MACF1: variants seen among roughly 807,000 people sequenced by gnomAD.
The protein encoded by MACF1 is microtubule actin crosslinking factor 1.
In MACF1, 193 loss-of-function variants were observed where a neutral mutation model predicts 854.8. That is an observed-to-expected ratio of 0.23 (90% confidence interval 0.20 to 0.25). The LOEUF (loss-of-function observed/expected upper bound fraction) is 0.25. Ranked by LOEUF, MACF1 falls within the 10% of genes least tolerant of loss-of-function variation. MACF1 has a pLI of 1.00. For missense variants in MACF1, 7,722 were observed against 8,929.1 expected (o/e 0.86, Z 5.45); for synonymous variants, 3,185 against 3,226.7 (o/e 0.99, Z 0.44).
Position 39,370,091 on chromosome 1 carries a change from T to A in MACF1, c.13000T>A (p.Phe4334Ile). Residue 4334 changes from phenylalanine to isoleucine, a missense_variant, in exon 51 of 101, where the codon TTC becomes ATC. Transcript: ENST00000564288. ...TGAATTCCGGAAGCTGGTCAGGACCTTCCAGAAATGGTTGAAAGAAACTGA... is the reference window on the plus strand; with the variant it reads ...TGAATTCCGGAAGCTGGTCAGGACCATCCAGAAATGGTTGAAAGAAACTGA... The part of the protein sequence containing the change: ...LDEFRKLVRT[F>I]QKWLKETEGS... 6.2e-7 allele frequency: 1 copy of A among 1,614,124 alleles called. No homozygotes were observed. Among genetic ancestry groups the A allele is most frequent in the Non-Finnish European group, 8.5e-7 (1 of 1,179,984 alleles).
rs1643578956 is a variant in MACF1, at chr1:39,422,506, A to G, written c.15949A>G (p.Asn5317Asp). ...TTTAGAACATGACATGGAAGAGATC[A>G]ATGCTCGATGGAATACATTGAATAA... ...QGLEHDMEEI[N>D]ARWNTLNKKV... Residue 5317 changes from asparagine to aspartate, a missense_variant, in exon 59 of 101, where the codon AAT becomes GAT. Asn to Asp is a conservative substitution (Grantham distance 23, BLOSUM62 1). Around this residue, in one of 15 missense-constraint regions of MACF1, gnomAD observed 2,807 missense variants for 3,235.8 expected, o/e 0.87. Coordinates refer to ENST00000564288, the MANE Select transcript of MACF1 (RefSeq NM_001394062.1). 1.2e-6 allele frequency: 2 copies of G among 1,613,546 alleles called. No individual in the cohort carries two copies. Among genetic ancestry groups the G allele is most frequent in the Non-Finnish European group, 1.7e-6 (2 of 1,179,706 alleles).
At chr1:39,363,162 T>G (rs1648354649) in intron 49 of MACF1, among the ~76,000 whole-genome samples, 1 of 152,198 alleles carries the variant, frequency 6.6e-6, no homozygotes, top group Non-Finnish European at 1.5e-5. Context: ...ATAATTAGAT[T>G]TGTTTCTATT....
intron 2 of MACF1, among the ~76,000 whole-genome samples, chr1:39,095,891 G>C (rs984450473): frequency 6.6e-6 from 1 of 151,932 alleles, no homozygotes; most frequent in Non-Finnish European, 1.5e-5. Flanking sequence ...AAAAATGGCT[G>C]GGTGCAATGG....
In MACF1 at chr1:39,310,240, T is replaced by C. The variant is rs1266137030; in HGVS notation, c.2917-5T>C. ...TTGCAATTTCTTCTGGCTTTTTCTT[T>C]CTAGCTTCGATCCTCAGCACCAGGG... On this transcript the variant is annotated splice_region_variant and splice_polypyrimidine_tract_variant and intron_variant, in intron 24 of 100. Transcript: ENST00000564288. The C allele has an allele frequency of 6.3e-7, 1 of 1,599,820 alleles. No homozygotes were observed. The highest frequency in any genetic ancestry group is 1.1e-5 in the South Asian group (1 of 88,268).
intron 79 of MACF1, 24 bp from the exon 80 acceptor site, chr1:39,444,636 GAT>G: frequency 6.3e-7 from 1 of 1,592,770 alleles, no homozygotes; most frequent in East Asian, 2.2e-5. Flanking sequence ...TCGTAGAATT[GAT>G]ATCTTTCCTG....
chr1:39,205,110 A>G lies in MACF1; in HGVS notation c.88A>G (p.Arg30Gly). ...AGTTGCTGGTGTTCTATACTGGAAG[A>G]GGCATGCCAGAGGTAGAGCAGGTAA... is the stretch of plus-strand genomic sequence containing the variant. ...LGVAGVLYWK[R>G]HARGRADERD... The change falls in exon 1 of 101, where the codon AGG (arginine) becomes GGG (glycine). Residue 30 changes from arginine (R) to glycine (G), a missense_variant. Physicochemically the swap from Arg to Gly is moderately radical, Grantham distance 125 (BLOSUM62 -2). Coordinates refer to ENST00000564288, the MANE Select transcript of MACF1 (RefSeq NM_001394062.1). The G allele has an allele frequency of 2.8e-6, 2 of 703,002 alleles. No homozygotes were observed. Among genetic ancestry groups the G allele is most frequent in the Non-Finnish European group, 5.2e-6 (2 of 385,008 alleles). 43.5% of individuals were successfully genotyped at this position (703,002 alleles called of 1,614,324 possible).
chr1:39,361,316 G>C (rs762030924), intron 48 of MACF1, 44 bp from the exon 49 acceptor site: 1 of 1,582,712 alleles, frequency 6.3e-7, no homozygotes, highest in Non-Finnish European at 8.7e-7. Context: ...CAGATGTCCT[G>C]GAATAAGTGA....
chr1:39,387,484 A>C lies in MACF1; in HGVS notation c.14642A>C (p.Lys4881Thr). Residue 4881 changes from lysine to threonine, a missense_variant, in exon 58 of 101, where the codon AAA (lysine) becomes ACA (threonine). Coordinates refer to ENST00000564288, the MANE Select transcript of MACF1 (RefSeq NM_001394062.1). ...CTACAAAACCAGTTGGTTGAGCTCA[A>C]AAACCATTGGGAAGAGCTTAGTAAA... is the stretch of plus-strand genomic sequence containing the variant. ...RTLQNQLVEL[K>T]NHWEELSKKT... 1 of 1,614,218 alleles carries C rather than the reference A, an allele frequency of 6.2e-7. No homozygotes were observed. Among genetic ancestry groups the C allele is most frequent in the Non-Finnish European group, 8.5e-7 (1 of 1,180,036 alleles).
At chr1:39,355,536 G>A (rs569757629) in intron 44 of MACF1, among the ~76,000 whole-genome samples, 3 of 130,966 alleles carry the variant, frequency 2.3e-5, no homozygotes, top group Non-Finnish European at 4.6e-5. Context: ...GCACAATCTC[G>A]GCTCACTGCA....
intron 54 of MACF1, 104 bp downstream of exon 54, chr1:39,379,548 A>C: frequency 7.6e-7 from 1 of 1,309,556 alleles, no homozygotes; most frequent in Non-Finnish European, 1.0e-6. Flanking sequence ...ATGGGCAACA[A>C]TCTAGGCTGT....
At chr1:39,118,182 T>G (rs1204420595) in intron 2 of MACF1, among the ~76,000 whole-genome samples, 2 of 152,118 alleles carry the variant, frequency 1.3e-5, no homozygotes, top group African/African-American at 2.4e-5. Context: ...CTTGAGAAAA[T>G]TTATTCCAGA....
chr1:39,242,320 A>G (rs575360038), intron 2 of MACF1, among the ~76,000 whole-genome samples: 4 of 151,600 alleles, frequency 2.6e-5, no homozygotes, highest in Non-Finnish European at 4.4e-5. Context: ...ACTGCACGCC[A>G]GCCTGAGCAA....
chr1:39,357,707 G>T lies in MACF1; in HGVS notation c.11757G>T (p.Arg3919=), dbSNP rs374553228. Residue 3919 remains arginine (R), a synonymous_variant, in exon 45 of 101, where the codon CGG becomes CGT. Coordinates refer to ENST00000564288, the MANE Select transcript of MACF1 (RefSeq NM_001394062.1). ...SPETLPSLLK[R]QGSFSEDVIS... ...AGACCCTTCCCTCCCTGCTAAAGCG[G>T]CAAGGAAGCTTCTCAGAGGATGTCA... The T allele has an allele frequency of 1.1e-4, 177 of 1,614,006 alleles. No individual in the cohort carries two copies. Among genetic ancestry groups the T allele is most frequent in the Non-Finnish European group, 1.5e-4 (174 of 1,180,018 alleles).
chr1:39,284,528 T>A, intron 11 of MACF1, 100 bp downstream of exon 11: 2 of 677,770 alleles, frequency 3.0e-6, no homozygotes, highest in Non-Finnish European at 2.4e-6. Flanking sequence ...CAAACTGCAT[T>A]AATAGAAGTA....
At chr1:39,397,596 T>A (rs1246705809) in intron 58 of MACF1, among the ~76,000 whole-genome samples, 8 of 151,440 alleles carry the variant, frequency 5.3e-5, no homozygotes, top group Admixed American at 2.6e-4. Flanking sequence ...CCATCATAGC[T>A]CAGCTTAGCC....
At position 39,340,640 on chromosome 1, in the gene MACF1, C is replaced by T. The variant is rs776573396; in HGVS notation, c.10354C>T (p.Gln3452Ter). The T allele has an allele frequency of 1.9e-6, 3 of 1,614,062 alleles. No homozygotes were observed. In the South Asian group the frequency reaches 3.3e-5, roughly 18 times the overall value. The change falls in exon 39 of 101, where the codon CAG (glutamine) becomes TAG (stop). Residue 3452 changes from glutamine to a stop codon, truncating the protein, a stop_gained. Transcript: ENST00000564288. LOFTEE classifies it high-confidence loss of function. Reference sequence around the variant, plus strand: ...TCTAGAGAAAGATGCCAAGAATCTTCAGAAGTCTCTCAGCTCTGTGAGTGA... The same window carrying T: ...TCTAGAGAAAGATGCCAAGAATCTTTAGAAGTCTCTCAGCTCTGTGAGTGA... ...KALEKDAKNL[Q>*]KSLSSVSDTW...
At chr1:39,299,741 A>T (rs938256093) in intron 21 of MACF1, among the ~76,000 whole-genome samples, 1 of 152,332 alleles carries the variant, frequency 6.6e-6, no homozygotes, top group East Asian at 1.9e-4. Context: ...GGGAGATATA[A>T]TTATTTTTAA....
At chr1:39,323,232 C>T (rs1473496602) in intron 33 of MACF1, among the ~76,000 whole-genome samples, 1 of 152,022 alleles carries the variant, frequency 6.6e-6, no homozygotes, top group Admixed American at 6.6e-5. Context: ...GTCCCAGTTA[C>T]TTGGGAGGCT....
chr1:39,447,527 C>T lies in MACF1; in HGVS notation c.19701C>T (p.Asn6567=). 6.2e-7 allele frequency: 1 copy of T among 1,614,160 alleles called. No individual in the cohort carries two copies. Among genetic ancestry groups the T allele is most frequent in the Non-Finnish European group, 8.5e-7 (1 of 1,180,012 alleles). ...TCACTCTAGCAGAGCAGAGTTTAAA[C>T]ATCGCTTCTCCACCAAGCCTGATTC... ...NWLTLAEQSL[N]IASPPSLILN... Residue 6567 remains asparagine (N), a synonymous_variant, in exon 81 of 101, where the codon AAC becomes AAT. Coordinates refer to ENST00000564288, the MANE Select transcript of MACF1 (RefSeq NM_001394062.1).
Sources: gnomAD v4.1 joint callset for allele counts (sites outside exome capture counted in the v4.1 genomes callset) on GRCh38, gnomAD v4.1.1 for gene constraint, gnomAD v4.1.1 regional missense constraint, MANE v1.5 for transcripts, NCBI Gene and HGNC (gene_info 2026-07-23, HGNC 2026-07-21) for gene names.